Variants in AFF3 observed in about 807,000 individuals in gnomAD.
The protein encoded by AFF3 is ALF transcription elongation factor 3.
Under a neutral mutation model 129.7 loss-of-function variants are expected in AFF3, and 32 were observed. The ratio of observed to expected loss-of-function variants is 0.25; its 90% CI spans 0.19 to 0.33. AFF3 has a LOEUF of 0.33. Among genes scored for constraint, AFF3 ranks in the 10% least tolerant of loss-of-function variants. AFF3 has a pLI of 1.00. For synonymous variants in AFF3, 644 were observed against 635.4 expected (o/e 1.01, Z -0.20); for missense variants, 1,373 against 1,592.0 (o/e 0.86, Z 2.34).
At chr2:99,992,919 T>C (rs1324815853) in intron 7 of AFF3, among the ~76,000 whole-genome samples, 2 of 152,206 alleles carry the variant, frequency 1.3e-5, no homozygotes, top group African/African-American at 2.4e-5. Context: ...AGCCAGGTGA[T>C]CTCTGGCCAG....
At chr2:99,639,046 G>GCGCCCC (rs1683941469) in intron 13 of AFF3, among the ~76,000 whole-genome samples, 1 of 152,174 alleles carries the variant, frequency 6.6e-6, no homozygotes, top group Admixed American at 6.6e-5. Context: ...ACATCAGGCA[G>GCGCCCC]CGAGTCTGTA....
At chr2:99,818,210 T>C (rs561377761) in intron 8 of AFF3, among the ~76,000 whole-genome samples, 1 of 152,304 alleles carries the variant, frequency 6.6e-6, no homozygotes, top group South Asian at 2.1e-4. Flanking sequence ...AGATTTGGGA[T>C]GTTCAACTGG....
chr2:100,038,224 C>T (rs7559041), intron 4 of AFF3, among the ~76,000 whole-genome samples: 289 of 152,102 alleles, frequency 1.9e-3, no homozygotes, highest in African/African-American at 6.6e-3. Context: ...TAAGCCCCGC[C>T]CGCTTCCCCA....
chr2:99,857,487 C>T (rs1478790186), intron 7 of AFF3, among the ~76,000 whole-genome samples: 1 of 152,172 alleles, frequency 6.6e-6, no homozygotes, highest in East Asian at 1.9e-4. Context: ...ATTTGCTTTA[C>T]GTCCAAGAAC....
intron 13 of AFF3, among the ~76,000 whole-genome samples, chr2:99,622,270 AG>A (rs1264872699): frequency 6.6e-6 from 1 of 152,110 alleles, no homozygotes; most frequent in Non-Finnish European, 1.5e-5. Flanking sequence ...ACCCTCAGGG[AG>A]GTGGTCCTGA....
intron 2 of AFF3, among the ~76,000 whole-genome samples, chr2:100,124,990 G>T (rs1227699716): frequency 6.6e-6 from 1 of 152,184 alleles, no homozygotes; most frequent in African/African-American, 2.4e-5. Context: ...ATCAGTCAAT[G>T]ACAGAATCAT....
intron 4 of AFF3, among the ~76,000 whole-genome samples, chr2:100,059,162 A>C (rs1210338193): frequency 6.8e-6 from 1 of 147,026 alleles, no homozygotes; most frequent in Non-Finnish European, 1.5e-5. Context: ...CTGAGGCAGG[A>C]GAATAGCTTG....
At chr2:99,801,169 A>C (rs1337222308) in intron 8 of AFF3, among the ~76,000 whole-genome samples, 2 of 152,198 alleles carry the variant, frequency 1.3e-5, no homozygotes, top group African/African-American at 4.8e-5. Flanking sequence ...TGTGAAAATG[A>C]TACTTCCTAT....
chr2:99,764,430 T>C (rs1009847249), intron 8 of AFF3, among the ~76,000 whole-genome samples: 1 of 152,200 alleles, frequency 6.6e-6, no homozygotes, highest in Non-Finnish European at 1.5e-5. Context: ...TCGTTTTGCA[T>C]TTTTCCAGCT....
At chr2:99,872,286 C>T (rs939974735) in intron 7 of AFF3, among the ~76,000 whole-genome samples, 4 of 150,966 alleles carry the variant, frequency 2.6e-5, no homozygotes, top group Non-Finnish European at 4.4e-5. Context: ...CGTAGAAATG[C>T]CTTAAGAACT....
In AFF3 at chr2:99,547,167, T is replaced by C; in HGVS notation, c.*4307A>G. On this transcript the variant is annotated 3_prime_UTR_variant, in exon 25 of 25. Coordinates refer to ENST00000672756, the MANE Select transcript of AFF3 (RefSeq NM_001386135.1). ...AAACTGGGAGCCAGAACAACTGACT[T>C]GAACGTATTTTGATTCTCAAGTTTC... 1 of 217,728 alleles carries C rather than the reference T, an allele frequency of 4.6e-6. No homozygotes were observed. Among genetic ancestry groups the C allele is most frequent in the Non-Finnish European group, 9.2e-6 (1 of 108,244 alleles). 13.5% of individuals were successfully genotyped at this position (217,728 alleles called of 1,614,324 possible). A position where few individuals can be genotyped will look rare whatever the true frequency, so the allele number is the denominator to read the frequency against.
At chr2:99,978,175 A>C (rs541245286) in intron 7 of AFF3, among the ~76,000 whole-genome samples, 107 of 152,306 alleles carry the variant, frequency 7.0e-4, no homozygotes, top group Middle Eastern at 3.4e-3. Flanking sequence ...AAATGAAACA[A>C]AATCATCTGA....
chr2:99,933,163 A>C (rs1674202654), intron 7 of AFF3, among the ~76,000 whole-genome samples: 1 of 152,122 alleles, frequency 6.6e-6, no homozygotes, highest in Admixed American at 6.6e-5. Context: ...TTTTTAAATA[A>C]AAACTTAATT....
At chr2:99,560,274 A>G in intron 21 of AFF3, 91 bp downstream of exon 21, 16 of 1,383,192 alleles carry the variant, frequency 1.2e-5, no homozygotes, top group Non-Finnish European at 1.6e-5. Flanking sequence ...GTTAGAAGAC[A>G]TTGGGCAAAC....
At chr2:99,753,884 C>T (rs190516021) in intron 8 of AFF3, among the ~76,000 whole-genome samples, 4 of 152,322 alleles carry the variant, frequency 2.6e-5, no homozygotes, top group African/African-American at 9.6e-5. Flanking sequence ...TCCCTCTCTC[C>T]TCCCATCTCT....
intron 13 of AFF3, 149 bp downstream of exon 13, chr2:99,649,477 T>A: frequency 1.2e-6 from 1 of 840,894 alleles, no homozygotes; most frequent in Middle Eastern, 2.9e-4. Flanking sequence ...ACTCCACACA[T>A]GCATGATAAA....
At chr2:99,696,251 A>C (rs1575722268) in intron 11 of AFF3, among the ~76,000 whole-genome samples, 1 of 152,308 alleles carries the variant, frequency 6.6e-6, no homozygotes, top group South Asian at 2.1e-4. Context: ...AGTTTCATTA[A>C]CATAGAGCTT....
chr2:99,800,494 C>G (rs537190108), intron 8 of AFF3, among the ~76,000 whole-genome samples: 1 of 152,154 alleles, frequency 6.6e-6, no homozygotes, highest in African/African-American at 2.4e-5. Context: ...CTTTGGAGAA[C>G]AGTTTAGTGG....
chr2:99,651,134 T>C (rs914794079), intron 12 of AFF3, among the ~76,000 whole-genome samples: 6 of 148,384 alleles, frequency 4.0e-5, no homozygotes, highest in African/African-American at 1.5e-4. Flanking sequence ...GATCGCGCCA[T>C]TGTACTCCAG....
Sources: allele counts gnomAD v4.1 joint callset (sites outside exome capture counted in the v4.1 genomes callset), GRCh38; gene constraint gnomAD v4.1.1; transcripts MANE v1.5; gene names NCBI Gene and HGNC (gene_info 2026-07-23, HGNC 2026-07-21).